The following GIGYF2 variants were observed in gnomAD, a reference collection of about 807,000 sequenced individuals.
GIGYF2 encodes GRB10-interacting GYF protein 2.
GIGYF2 carries 25 observed loss-of-function variants against 208.1 expected under a neutral mutation model. That is an observed-to-expected ratio of 0.12 (90% CI 0.09 to 0.17). The LOEUF (loss-of-function observed/expected upper bound fraction) is 0.17. Among genes scored for constraint, GIGYF2 ranks in the 10% least tolerant of loss-of-function variants. The pLI is 1.00. For missense variants in GIGYF2, 1,302 were observed against 1,579.4 expected (o/e 0.82, Z 2.98); for synonymous variants, 534 against 543.8 (o/e 0.98, Z 0.25).
chr2:232,712,951 A>G (rs1343366756), intron 2 of GIGYF2, among the ~76,000 whole-genome samples: 1 of 152,226 alleles, frequency 6.6e-6, no homozygotes, highest in African/African-American at 2.4e-5. Context: ...TCTGCTATGA[A>G]GAAAATGTTC....
chr2:232,834,197 A>G (rs1031958711), intron 22 of GIGYF2, among the ~76,000 whole-genome samples: 6 of 152,146 alleles, frequency 3.9e-5, no homozygotes, highest in Admixed American at 2.6e-4. Flanking sequence ...AGTGTCCCCT[A>G]TCTTCAAGTA....
At chr2:232,777,526 C>T (rs947174140) in intron 8 of GIGYF2, among the ~76,000 whole-genome samples, 1 of 152,002 alleles carries the variant, frequency 6.6e-6, no homozygotes, top group Admixed American at 6.6e-5. Context: ...AAAGTAAAAT[C>T]TTGGAAGGCC....
intron 22 of GIGYF2, among the ~76,000 whole-genome samples, chr2:232,835,526 C>A (rs1289250256): frequency 2.6e-5 from 4 of 152,134 alleles, no homozygotes; most frequent in Non-Finnish European, 4.4e-5. Context: ...CTGTTTCTTG[C>A]ATGTATCGTA....
chr2:232,717,676 AG>A (rs1696751026), intron 2 of GIGYF2, among the ~76,000 whole-genome samples: 2 of 152,102 alleles, frequency 1.3e-5, no homozygotes, highest in Admixed American at 6.5e-5. Flanking sequence ...TGAGGGCTTC[AG>A]GCTGCTTACA....
rs191164216 is a variant in GIGYF2 at position 232,777,611 on chromosome 2, C to T, written c.533-9539C>T. Among the ~76,000 whole-genome samples the T allele has an allele frequency of 5.3e-3, 767 of 143,816 alleles. 3 individuals are homozygous for T. The highest frequency in any genetic ancestry group is 0.02 in the African/African-American group (727 of 37,162). 94.3% of individuals were successfully genotyped at this position (143,816 alleles called of 152,430 possible). A position where few individuals can be genotyped will look rare whatever the true frequency, so the allele number is the denominator to read the frequency against. On this transcript the variant is annotated intron_variant, in intron 8 of 28. Coordinates refer to ENST00000373563, the MANE Select transcript of GIGYF2 (RefSeq NM_001103146.3). ...AAATCCGCCTTTGTAGAATCCTCTC[C>T]GTCCCCCCCCCGCCCCACAATTTAA... is the stretch of plus-strand genomic sequence containing the variant.
At chr2:232,765,904 C>T (rs935334877) in intron 8 of GIGYF2, 2 of 469,344 alleles carry the variant, frequency 4.3e-6, no homozygotes, top group African/African-American at 4.0e-5. Flanking sequence ...TCCAAAGGAA[C>T]GTTTAAAGTT....
intron 6 of GIGYF2, among the ~76,000 whole-genome samples, chr2:232,757,861 T>A (rs2106323248): frequency 6.7e-6 from 1 of 149,418 alleles, no homozygotes. Flanking sequence ...TCTCCTTGCT[T>A]TTTGGTTTCT....
intron 8 of GIGYF2, chr2:232,766,493 G>T (rs1698968702): frequency 1.3e-5 from 2 of 152,344 alleles, no homozygotes; most frequent in Admixed American, 1.3e-4. Flanking sequence ...TATTTTCAAA[G>T]GTTAGGTGAA....
intron 2 of GIGYF2, among the ~76,000 whole-genome samples, chr2:232,732,853 C>G (rs776077812): frequency 2.6e-5 from 4 of 152,066 alleles, no homozygotes; most frequent in Non-Finnish European, 4.4e-5. Flanking sequence ...TGGTCTTGAA[C>G]TTCCGGGCTC....
intron 8 of GIGYF2, among the ~76,000 whole-genome samples, chr2:232,769,783 A>C (rs1047740913): frequency 6.6e-6 from 1 of 152,230 alleles, no homozygotes; most frequent in African/African-American, 2.4e-5. Context: ...AAAGTAAAAT[A>C]TAAAAGAAAC....
At chr2:232,776,448 T>C (rs750674566) in intron 8 of GIGYF2, 1 of 1,603,356 alleles carries the variant, frequency 6.2e-7, no homozygotes, top group South Asian at 1.1e-5. Context: ...TACTCACCAG[T>C]TCTTTTGCTG....
intron 8 of GIGYF2, chr2:232,765,947 A>G (rs776379309): frequency 2.1e-6 from 1 of 471,060 alleles, no homozygotes; most frequent in East Asian, 6.9e-5. Context: ...TCATGTGTGC[A>G]AGACTTCATG....
intron 2 of GIGYF2, among the ~76,000 whole-genome samples, chr2:232,718,836 T>C (rs1384775360): frequency 6.6e-6 from 1 of 152,132 alleles, no homozygotes; most frequent in East Asian, 1.9e-4. Flanking sequence ...AAAACGTAGG[T>C]AGGCAGTGGG....
At chr2:232,701,266 A>G (rs1429671716) in intron 1 of GIGYF2, among the ~76,000 whole-genome samples, 1 of 151,584 alleles carries the variant, frequency 6.6e-6, no homozygotes, top group Non-Finnish European at 1.5e-5. Flanking sequence ...AAGCTTAATT[A>G]TTATTATTAT....
intron 2 of GIGYF2, among the ~76,000 whole-genome samples, chr2:232,715,298 T>C (rs1002530480): frequency 6.6e-6 from 1 of 152,216 alleles, no homozygotes; most frequent in Admixed American, 6.6e-5. Context: ...TTTGGGCTAT[T>C]AGACGTAAAG....
rs1700058487 is a variant in GIGYF2 at position 232,791,147 on chromosome 2, A to G, written c.1070A>G (p.Glu357Gly). 6.2e-7 allele frequency: 1 copy of G among 1,613,954 alleles called. No homozygotes were observed. The highest frequency in any genetic ancestry group is 8.5e-7 in the Non-Finnish European group (1 of 1,180,000). ...GATAAGACAAATAAGAAAGAAGGAG[A>G]GAAAACAGATAGAGTAGGAGTTGGT... is the stretch of plus-strand genomic sequence containing the variant. ...EPDKTNKKEG[E>G]KTDRVGVEAS... The change falls in exon 11 of 29, where the codon GAG becomes GGG. Residue 357 changes from glutamate (E) to glycine (G), a missense_variant. Physicochemically the swap from Glu to Gly is moderately conservative, Grantham distance 98 (BLOSUM62 -2). Transcript: ENST00000373563.
At chr2:232,751,247 C>T (rs1698328749) in intron 5 of GIGYF2, among the ~76,000 whole-genome samples, 2 of 152,178 alleles carry the variant, frequency 1.3e-5, no homozygotes, top group Admixed American at 1.3e-4. Flanking sequence ...CTGAGTCTTG[C>T]TCAGTCACTC....
chr2:232,755,325 C>G (rs147414058), intron 5 of GIGYF2, among the ~76,000 whole-genome samples: 2 of 152,102 alleles, frequency 1.3e-5, no homozygotes, highest in Non-Finnish European at 2.9e-5. Context: ...TGCCTGCCAC[C>G]GCGCCCGGCT....
chr2:232,698,221 T>G (rs1574752026), intron 1 of GIGYF2: 1 of 152,326 alleles, frequency 6.6e-6, no homozygotes, highest in Middle Eastern at 3.4e-3. Context: ...TTGCAGTTAA[T>G]TATTTAGTAC....
Sources: allele counts gnomAD v4.1 joint callset (sites outside exome capture counted in the v4.1 genomes callset), GRCh38; gene constraint gnomAD v4.1.1; transcripts MANE v1.5; gene names NCBI Gene and HGNC (gene_info 2026-07-23, HGNC 2026-07-21).